Variants in HLA-DOB observed in about 807,000 individuals in gnomAD.
HLA-DOB encodes the protein major histocompatibility complex, class II, DO beta, also known as HLA class II histocompatibility antigen, DO beta chain.
HLA-DOB carries 25 observed loss-of-function variants against 27.7 expected under a neutral mutation model. That is an observed-to-expected ratio of 0.90 (90% CI 0.66 to 1.26). HLA-DOB has a LOEUF of 1.26. HLA-DOB is among the 50% of genes most tolerant of loss of function. The pLI is 0.00. For missense variants in HLA-DOB, 306 were observed against 324.9 expected, an observed-to-expected ratio of 0.94 and a Z score of 0.45; for synonymous variants, 137 against 125.6, an observed-to-expected ratio of 1.09 and a Z score of -0.61.
chr6:32,813,157 A>C lies in HLA-DOB; in HGVS notation c.*59T>G. 6.8e-7 allele frequency: 1 copy of C among 1,477,062 alleles called. No homozygotes were observed. Among genetic ancestry groups the C allele is most frequent in the Middle Eastern group, 1.7e-4 (1 of 5,842 alleles). The allele number at this position is 1,477,062 out of a possible 1,614,324, so 91.5% of individuals were successfully genotyped here. On this transcript the variant is annotated 3_prime_UTR_variant, in exon 6 of 6. Transcript: ENST00000438763. ...CTCATGAATGTCCTTTACCTCACCCAGGGCCCAGACTACTCATCACTACTT... is the reference window on the plus strand; with the variant it reads ...CTCATGAATGTCCTTTACCTCACCCCGGGCCCAGACTACTCATCACTACTT...
At chr6:32,813,650 C>A in intron 4 of HLA-DOB, 73 bp downstream of exon 4, 1 of 1,201,024 alleles carries the variant, frequency 8.3e-7, no homozygotes, top group South Asian at 1.3e-5. Flanking sequence ...TGCCTCAGAT[C>A]ATTGACGTTA....
At chr6:32,814,869 G>T (rs141029400) in intron 2 of HLA-DOB, among the ~76,000 whole-genome samples, 175 bp downstream of exon 2, 1 of 152,164 alleles carries the variant, frequency 6.6e-6, no homozygotes, top group Non-Finnish European at 1.5e-5. Context: ...GGGGGTCTGA[G>T]ACCAAGATCA....
chr6:32,814,271 C>A, intron 3 of HLA-DOB, 49 bp downstream of exon 3: 2 of 1,535,560 alleles, frequency 1.3e-6, no homozygotes, highest in South Asian at 1.1e-5. Flanking sequence ...TGTATTGAGT[C>A]AGTATAGTCC....
At position 32,815,055 on chromosome 6, in the gene HLA-DOB, A is replaced by G. The variant is rs771000993; in HGVS notation, c.350T>C (p.Val117Ala). 2 of 1,613,934 alleles carry G rather than the reference A, an allele frequency of 1.2e-6. No homozygotes were observed. Among genetic ancestry groups the G allele is most frequent in the East Asian group, 2.2e-5 (1 of 44,890 alleles). The stretch of plus-strand genomic sequence containing the variant: ...AGCTTCCAGCTCACCTTTTCTCCCC[A>G]CAGTGAAGGGTGCGCCCAGCCTGTA... ...HNYRLGAPFT[V>A]GRKVQPEVTV... Residue 117 changes from valine (V) to alanine (A), a missense_variant, in exon 2 of 6, where the codon GTG (valine) becomes GCG (alanine). Transcript: ENST00000438763.
In HLA-DOB at chr6:32,815,039, C is replaced by T; in HGVS notation, c.361+5G>A. The T allele has an allele frequency of 6.2e-7, 1 of 1,613,186 alleles. No individual in the cohort carries two copies. The highest frequency in any genetic ancestry group is 1.1e-5 in the South Asian group (1 of 91,068). ...AGCCCCGCCAGACCTCAGCTTCCAG[C>T]TCACCTTTTCTCCCCACAGTGAAGG... On this transcript the variant is annotated splice_donor_5th_base_variant and intron_variant, in intron 2 of 5. Coordinates refer to ENST00000438763, the MANE Select transcript of HLA-DOB (RefSeq NM_002120.4).
chr6:32,815,369 C>A, intron 1 of HLA-DOB, 56 bp from the exon 2 acceptor site: 2 of 1,598,976 alleles, frequency 1.3e-6, no homozygotes, highest in Non-Finnish European at 1.7e-6. Flanking sequence ...AAAACCCATG[C>A]CTGGTAAATT....
At position 32,812,949 on chromosome 6, in the gene HLA-DOB, T is replaced by G. The variant is rs1434617110; in HGVS notation, c.*267A>C. 2 of 554,630 alleles carry G rather than the reference T, an allele frequency of 3.6e-6. No individual in the cohort carries two copies. Among genetic ancestry groups the G allele is most frequent in the Middle Eastern group, 9.5e-4 (2 of 2,112 alleles). 34.4% of individuals were successfully genotyped at this position (554,630 alleles called of 1,614,324 possible). On this transcript the variant is annotated 3_prime_UTR_variant, in exon 6 of 6. Coordinates refer to ENST00000438763, the MANE Select transcript of HLA-DOB (RefSeq NM_002120.4). The stretch of plus-strand genomic sequence containing the variant: ...CACAGAAAAGTAAATGATTTGGGGC[T>G]GGAAGGAGTAAGGTCTCAGGGGAGT...
In HLA-DOB at chr6:32,813,103, G is replaced by A. The variant is rs548506365; in HGVS notation, c.*113C>T. On this transcript the variant is annotated 3_prime_UTR_variant, in exon 6 of 6. Coordinates refer to ENST00000438763, the MANE Select transcript of HLA-DOB (RefSeq NM_002120.4). ...TCAGTTCGGGCTCCTCCAAGGATCAGGGAAGAGAGTTATTCCCAGAACATT... is the reference window on the plus strand; with the variant it reads ...TCAGTTCGGGCTCCTCCAAGGATCAAGGAAGAGAGTTATTCCCAGAACATT... 7.1e-6 allele frequency: 7 copies of A among 992,250 alleles called. No homozygotes were observed. The East Asian group carries it at 1.2e-4, about 17-fold the overall frequency. The allele number at this position is 992,250 out of a possible 1,614,324, so 61.5% of individuals were successfully genotyped here.
rs749306940 is a variant in HLA-DOB at position 32,813,016 on chromosome 6, C to T, written c.*200G>A. ...TGGCAATGGGGATTAATGATGTACA[C>T]GTAGAAGGGAGAAGGGCAGATGGGT... is the stretch of plus-strand genomic sequence containing the variant. On this transcript the variant is annotated 3_prime_UTR_variant, in exon 6 of 6. Coordinates refer to ENST00000438763, the MANE Select transcript of HLA-DOB (RefSeq NM_002120.4). 1.9e-5 allele frequency: 12 copies of T among 620,670 alleles called. No homozygotes were observed. Among genetic ancestry groups the T allele is most frequent in the Non-Finnish European group, 2.9e-5 (10 of 346,802 alleles). 38.4% of individuals were successfully genotyped at this position (620,670 alleles called of 1,614,324 possible). A position where few individuals can be genotyped will look rare whatever the true frequency, so the allele number is the denominator to read the frequency against.
intron 5 of HLA-DOB, 83 bp from the exon 6 acceptor site, chr6:32,813,334 C>G: frequency 6.3e-7 from 1 of 1,592,278 alleles, no homozygotes; most frequent in Non-Finnish European, 8.6e-7. Context: ...ACAGTCCCAT[C>G]CAGACAGCAG....
At position 32,816,850 on chromosome 6, in the gene HLA-DOB, T is replaced by C; in HGVS notation, c.91+11A>G. Reference sequence around the variant, plus strand: ...ATACACACTGGAAAAAAACAATTGCTCTGTTCTTACCTGGAGAGTCTGTGC... The same window carrying C: ...ATACACACTGGAAAAAAACAATTGCCCTGTTCTTACCTGGAGAGTCTGTGC... On this transcript the variant is annotated intron_variant, in intron 1 of 5. Transcript: ENST00000438763. 6.2e-7 allele frequency: 1 copy of C among 1,607,274 alleles called. No homozygotes were observed.
At chr6:32,813,696 G>A (rs1767895614) in intron 4 of HLA-DOB, 27 bp downstream of exon 4, 2 of 1,412,810 alleles carry the variant, frequency 1.4e-6, no homozygotes, top group South Asian at 2.5e-5. Context: ...GGGACAGGTG[G>A]CAGGGCACTC....
At chr6:32,815,365 C>T in intron 1 of HLA-DOB, 52 bp from the exon 2 acceptor site, 2 of 1,604,364 alleles carry the variant, frequency 1.2e-6, no homozygotes, top group Non-Finnish European at 1.7e-6. Context: ...TGGGAAAACC[C>T]ATGCCTGGTA....
rs1449668630 is a variant in HLA-DOB, at chr6:32,816,816, A to T, written c.91+45T>A. On this transcript the variant is annotated intron_variant, in intron 1 of 5. Coordinates refer to ENST00000438763, the MANE Select transcript of HLA-DOB (RefSeq NM_002120.4). ...AAGAAAGGCATCACTCCCCCATGCC[A>T]ATTCTTGCATACACACTGGAAAAAA... 7 of 1,497,062 alleles carry T rather than the reference A, an allele frequency of 4.7e-6. No homozygotes were observed. The African/African-American group carries it at 8.3e-5, about 18-fold the overall frequency. The allele number at this position is 1,497,062 out of a possible 1,614,324, so 92.7% of individuals were successfully genotyped here. A position where few individuals can be genotyped will look rare whatever the true frequency, so the allele number is the denominator to read the frequency against.
In HLA-DOB at chr6:32,813,075, G is replaced by C. The variant is rs1767861013; in HGVS notation, c.*141C>G. The C allele has an allele frequency of 5.1e-6, 4 of 785,172 alleles. No homozygotes were observed. Among genetic ancestry groups the C allele is most frequent in the Non-Finnish European group, 9.0e-6 (4 of 446,252 alleles). The allele number at this position is 785,172 out of a possible 1,614,324, so 48.6% of individuals were successfully genotyped here. On this transcript the variant is annotated 3_prime_UTR_variant, in exon 6 of 6. Transcript: ENST00000438763. ...CATGATCTCAGAACACAGAGCTCCA[G>C]AATCAGTTCGGGCTCCTCCAAGGAT...
In HLA-DOB at chr6:32,813,229, G is replaced by A. The variant is rs1767871592; in HGVS notation, c.809C>T (p.Pro270Leu). The A allele has an allele frequency of 6.2e-7, 1 of 1,613,058 alleles. No individual in the cohort carries two copies. The highest frequency in any genetic ancestry group is 8.5e-7 in the Non-Finnish European group (1 of 1,179,980). ...GNEVSRAVLL[P>L]QSC ...TCAGTGAGGACCTTAGCATGACTGAGGGAGCAGAACAGCTCTTGAGACCTG... is the reference window on the plus strand; with the variant it reads ...TCAGTGAGGACCTTAGCATGACTGAAGGAGCAGAACAGCTCTTGAGACCTG... Residue 270 changes from proline to leucine, a missense_variant, in exon 6 of 6, where the codon CCT (proline) becomes CTT (leucine). Transcript: ENST00000438763.
chr6:32,814,184 T>C (rs1380450972), intron 3 of HLA-DOB, 136 bp downstream of exon 3: 9 of 843,906 alleles, frequency 1.1e-5, no homozygotes, highest in Non-Finnish European at 1.5e-5. Flanking sequence ...AGGACTCTGG[T>C]TTCTGTGACT....
chr6:32,813,604 T>A, intron 4 of HLA-DOB, 119 bp downstream of exon 4: 1 of 1,201,324 alleles, frequency 8.3e-7, no homozygotes, highest in Non-Finnish European at 1.2e-6. Flanking sequence ...AAAAAAATTA[T>A]CCCGGTGATC....
Position 32,815,001 on chromosome 6 carries a change from G to C in HLA-DOB, c.361+43C>G, listed in dbSNP as rs753349369. 3.1e-6 allele frequency: 5 copies of C among 1,604,682 alleles called. No individual in the cohort carries two copies. In the South Asian group the frequency reaches 5.5e-5, roughly 18 times the overall value. On this transcript the variant is annotated intron_variant, in intron 2 of 5. Transcript: ENST00000438763. Reference sequence around the variant, plus strand: ...GAAGAGCCATGGCCAGGTTCACATGGGGGACATTCCTGAGCCCCGCCAGAC... The same window carrying C: ...GAAGAGCCATGGCCAGGTTCACATGCGGGACATTCCTGAGCCCCGCCAGAC...
Sources: gnomAD v4.1 joint callset for allele counts (sites outside exome capture counted in the v4.1 genomes callset) on GRCh38, gnomAD v4.1.1 for gene constraint, MANE v1.5 for transcripts, NCBI Gene and HGNC (gene_info 2026-07-23, HGNC 2026-07-21) for gene names.